Variants in CACNG8 observed in about 807,000 individuals in gnomAD.
The protein encoded by CACNG8 is calcium voltage-gated channel auxiliary subunit gamma 8, also known as voltage-dependent calcium channel gamma-8 subunit.
In CACNG8, 5 loss-of-function variants were observed where a neutral mutation model predicts 26.9. The observed-to-expected ratio is 0.19, with a 90% CI of 0.10 to 0.39. The LOEUF (loss-of-function observed/expected upper bound fraction) is 0.39, where lower values mean the gene tolerates loss of function less well. Ranked by LOEUF, CACNG8 falls within the 10% of genes least tolerant of loss-of-function variation. The pLI is 1.00. For synonymous variants in CACNG8, 321 were observed against 296.7 expected (o/e 1.08, Z -0.84); for missense variants, 473 against 609.4 (o/e 0.78, Z 2.36).
chr19:53,971,556 G>A (rs1340089524), intron 1 of CACNG8, among the ~76,000 whole-genome samples: 1 of 152,188 alleles, frequency 6.6e-6, no homozygotes, highest in Non-Finnish European at 1.5e-5. Context: ...GGACAGCCCA[G>A]CTTGTGCCCC....
At chr19:53,966,562 GC>G (rs2145932715) in intron 1 of CACNG8, among the ~76,000 whole-genome samples, 1 of 151,862 alleles carries the variant, frequency 6.6e-6, no homozygotes, top group Non-Finnish European at 1.5e-5. Context: ...ACAGGCACAT[GC>G]CCCCATTTTT....
Position 53,963,137 on chromosome 19 carries a change from G to T in CACNG8, c.-6G>T. 1.3e-6 allele frequency: 2 copies of T among 1,490,188 alleles called. No homozygotes were observed. Among genetic ancestry groups the T allele is most frequent in the Non-Finnish European group, 8.9e-7 (1 of 1,118,316 alleles). 92.3% of individuals were successfully genotyped at this position (1,490,188 alleles called of 1,614,324 possible). A position where few individuals can be genotyped will look rare whatever the true frequency, so the allele number is the denominator to read the frequency against. ...GCCCACGGCCCCCCGGCTGCCCGTGGTCAAACTGGAGTCGCTGAAGCGCTG... is the reference window on the plus strand; with the variant it reads ...GCCCACGGCCCCCCGGCTGCCCGTGTTCAAACTGGAGTCGCTGAAGCGCTG... On this transcript the variant is annotated 5_prime_UTR_variant, in exon 1 of 4. Coordinates refer to ENST00000270458, the MANE Select transcript of CACNG8 (RefSeq NM_031895.6).
At chr19:53,977,513 C>G (rs1428183003) in intron 1 of CACNG8, among the ~76,000 whole-genome samples, 1 of 152,172 alleles carries the variant, frequency 6.6e-6, no homozygotes, top group East Asian at 1.9e-4. Context: ...TCACACACCT[C>G]TGCTTGCTTC....
rs758180951 is a variant in CACNG8 at position 53,982,126 on chromosome 19, G to C, written c.555G>C (p.Ala185=). The C allele has an allele frequency of 5.0e-6, 8 of 1,609,090 alleles. No homozygotes were observed. The South Asian group carries it at 8.9e-5, about 18-fold the overall frequency. Residue 185 remains alanine, a synonymous_variant, in exon 4 of 4, where the codon GCG becomes GCC. Transcript: ENST00000270458. This position sits in a 1 kb window ranked among gnomAD's most constrained non-coding sequence, Gnocchi z 8.4. Reference sequence around the variant, plus strand: ...TGATCGTGTACATCTCCGCCAACGCGGGCGAGCCGGGCCCGAAGCGGGACG... The same window carrying C: ...TGATCGTGTACATCTCCGCCAACGCCGGCGAGCCGGGCCCGAAGCGGGACG...
intron 1 of CACNG8, among the ~76,000 whole-genome samples, chr19:53,977,702 T>C (rs58051381): frequency 0.026 from 3,892 of 152,292 alleles, 152 homozygotes; most frequent in African/African-American, 0.081. Context: ...CTCATCGGCT[T>C]CCGCATCACT....
At chr19:53,966,418 CTTTT>C (rs1455243485) in intron 1 of CACNG8, among the ~76,000 whole-genome samples, 2 of 151,746 alleles carry the variant, frequency 1.3e-5, no homozygotes, top group Non-Finnish European at 2.9e-5. Context: ...TTTTGTTTTT[CTTTT>C]TTTGTTTTTA....
chr19:53,975,419 G>A (rs1357272872), intron 1 of CACNG8, among the ~76,000 whole-genome samples: 4 of 145,334 alleles, frequency 2.8e-5, no homozygotes, highest in South Asian at 2.2e-4. Flanking sequence ...TCGCTCTCTC[G>A]CCCAGGCTGG....
rs1019312366 is a variant in CACNG8 at position 53,983,439 on chromosome 19, C to T, written c.*590C>T. 6.6e-6 allele frequency: 1 copy of T among 152,130 alleles called. No individual in the cohort carries two copies. The highest frequency in any genetic ancestry group is 1.5e-5 in the Non-Finnish European group (1 of 68,042). 9.4% of individuals were successfully genotyped at this position (152,130 alleles called of 1,614,324 possible). On this transcript the variant is annotated 3_prime_UTR_variant, in exon 4 of 4. Transcript: ENST00000270458. ...AAGGCATTGGAGCAGGGGACACGAACGAGGCACAGAAAGGGCCTTCTCATT... is the reference window on the plus strand; with the variant it reads ...AAGGCATTGGAGCAGGGGACACGAATGAGGCACAGAAAGGGCCTTCTCATT...
intron 1 of CACNG8, among the ~76,000 whole-genome samples, chr19:53,977,132 G>A (rs1420030424): frequency 2.0e-5 from 3 of 152,214 alleles, no homozygotes; most frequent in African/African-American, 4.8e-5. Flanking sequence ...GTCCTACGGG[G>A]CACCTCAGAG....
intron 1 of CACNG8, among the ~76,000 whole-genome samples, chr19:53,969,208 T>C (rs966840743): frequency 7.9e-5 from 12 of 152,032 alleles, no homozygotes; most frequent in African/African-American, 2.4e-4. Context: ...TTCACCATGT[T>C]GACCAGGCTG....
chr19:53,969,021 C>G (rs879898640), intron 1 of CACNG8, among the ~76,000 whole-genome samples: 1 of 151,864 alleles, frequency 6.6e-6, no homozygotes, highest in Admixed American at 6.6e-5. Context: ...ATTTTGTTTT[C>G]GAGACAGATT....
chr19:53,974,265 T>C (rs753254477), intron 1 of CACNG8, among the ~76,000 whole-genome samples: 10 of 152,236 alleles, frequency 6.6e-5, no homozygotes, highest in Non-Finnish European at 1.2e-4. Flanking sequence ...GGTTTATCTA[T>C]GTTTATAGCA....
In CACNG8 at chr19:53,983,494, G is replaced by A. The variant is rs1388789334; in HGVS notation, c.*645G>A. ...CATTCATTACCGGCAATTTATTTGT[G>A]CGCCTTAAAAAGCTAGGCATTGTGC... On this transcript the variant is annotated 3_prime_UTR_variant, in exon 4 of 4. Coordinates refer to ENST00000270458, the MANE Select transcript of CACNG8 (RefSeq NM_031895.6). The A allele has an allele frequency of 1.3e-5, 2 of 152,112 alleles. No individual in the cohort carries two copies. Among genetic ancestry groups the A allele is most frequent in the African/African-American group, 2.4e-5 (1 of 41,404 alleles). The allele number at this position is 152,112 out of a possible 1,614,324, so 9.4% of individuals were successfully genotyped here. A position where few individuals can be genotyped will look rare whatever the true frequency, so the allele number is the denominator to read the frequency against.
rs2069409675 is a variant in CACNG8, at chr19:53,986,624, G to C, written c.*3775G>C. Reference sequence around the variant, plus strand: ...GTGTGCTGGTGTGCCTGTAGTCCCAGCTACTTGGGAGGCTGAGAAAGAAGG... The same window carrying C: ...GTGTGCTGGTGTGCCTGTAGTCCCACCTACTTGGGAGGCTGAGAAAGAAGG... On this transcript the variant is annotated 3_prime_UTR_variant, in exon 4 of 4. Coordinates refer to ENST00000270458, the MANE Select transcript of CACNG8 (RefSeq NM_031895.6). The C allele has an allele frequency of 6.6e-6, 1 of 152,202 alleles. No homozygotes were observed. Among genetic ancestry groups the C allele is most frequent in the Non-Finnish European group, 1.5e-5 (1 of 68,068 alleles). The allele number at this position is 152,202 out of a possible 1,614,324, so 9.4% of individuals were successfully genotyped here.
Position 53,978,839 on chromosome 19 carries a change from G to T in CACNG8, c.367+610G>T, listed in dbSNP as rs551411428. Reference sequence around the variant, plus strand: ...GGAGGGAGGAAAAGAGGGAGAAAGAGAGATAGACGAAGTCAGGCCTAAAGG... The same window carrying T: ...GGAGGGAGGAAAAGAGGGAGAAAGATAGATAGACGAAGTCAGGCCTAAAGG... On this transcript the variant is annotated intron_variant, in intron 2 of 3. Coordinates refer to ENST00000270458, the MANE Select transcript of CACNG8 (RefSeq NM_031895.6). Among the ~76,000 whole-genome samples the T allele has an allele frequency of 4.2e-4, 58 of 136,976 alleles. 1 individual carries two copies. In the East Asian group the frequency reaches 0.014, roughly 33 times the overall value. The allele number at this position is 136,976 out of a possible 152,430, so 89.9% of individuals were successfully genotyped here.
chr19:53,971,292 A>C (rs74987032), intron 1 of CACNG8, among the ~76,000 whole-genome samples: 1 of 33,768 alleles, frequency 3.0e-5, no homozygotes, highest in East Asian at 1.1e-3. Context: ...GCCCTGTCTC[A>C]AAAAAAAAAA....
intron 1 of CACNG8, among the ~76,000 whole-genome samples, 166 bp downstream of exon 1, chr19:53,963,591 C>T (rs2069255503): frequency 6.6e-6 from 1 of 152,082 alleles, no homozygotes; most frequent in African/African-American, 2.4e-5. Context: ...CTCCTCTCCC[C>T]TCCTTCCCAC....
chr19:53,978,291 G>A, intron 2 of CACNG8, 62 bp downstream of exon 2: 3 of 1,382,170 alleles, frequency 2.2e-6, no homozygotes, highest in Non-Finnish European at 3.0e-6. Flanking sequence ...GGAAGGCGTC[G>A]GGGTGGGTGC....
intron 3 of CACNG8, among the ~76,000 whole-genome samples, chr19:53,980,748 G>A (rs112823679): frequency 0.011 from 1,666 of 152,328 alleles, 30 homozygotes; most frequent in African/African-American, 0.037. Context: ...CTAGGGCCTA[G>A]ACGAGCAGAG....
Sources: allele counts gnomAD v4.1 joint callset (sites outside exome capture counted in the v4.1 genomes callset), GRCh38; gene constraint gnomAD v4.1.1; non-coding constraint Gnocchi (gnomAD v3.1); transcripts MANE v1.5; gene names NCBI Gene and HGNC (gene_info 2026-07-23, HGNC 2026-07-21).